Variants in DDX10 observed in about 807,000 individuals in gnomAD.
DDX10 encodes probable ATP-dependent RNA helicase DDX10.
DDX10 carries 74 observed loss-of-function variants against 104.3 expected under a neutral mutation model. That is an observed-to-expected ratio of 0.71 (90% CI 0.59 to 0.86). The LOEUF is 0.86. Ranked by LOEUF, DDX10 falls within the 40% of genes least tolerant of loss-of-function variation. The probability of loss-of-function intolerance (pLI) is 0.00; values close to 1 mark genes in which losing one functional copy is unlikely to be tolerated. For missense variants in DDX10, 952 were observed against 1,040.0 expected (o/e 0.92, Z 1.16); for synonymous variants, 351 against 353.4 (o/e 0.99, Z 0.08).
At chr11:108,893,264 G>A (rs1178965124) in intron 16 of DDX10, among the ~76,000 whole-genome samples, 2 of 152,026 alleles carry the variant, frequency 1.3e-5, no homozygotes, top group Non-Finnish European at 2.9e-5. Context: ...GCAGATTTTG[G>A]ATGGTAAGGG....
intron 13 of DDX10, among the ~76,000 whole-genome samples, chr11:108,810,068 T>G (rs536164120): frequency 6.6e-6 from 1 of 152,334 alleles, no homozygotes; most frequent in Admixed American, 6.5e-5. Context: ...GTTCTTCATG[T>G]GGAAAGTACT....
At chr11:108,819,229 C>T (rs772518448) in intron 13 of DDX10, among the ~76,000 whole-genome samples, 10 of 152,120 alleles carry the variant, frequency 6.6e-5, no homozygotes, top group Non-Finnish European at 5.9e-5. Context: ...AAGCTTGTCA[C>T]AGAACTCTTA....
chr11:108,907,608 A>G (rs1863614539), intron 16 of DDX10, among the ~76,000 whole-genome samples: 1 of 152,176 alleles, frequency 6.6e-6, no homozygotes, highest in African/African-American at 2.4e-5. Flanking sequence ...AGGTGGCCAG[A>G]GCTGAAATGT....
intron 1 of DDX10, among the ~76,000 whole-genome samples, chr11:108,668,768 G>T (rs965508752): frequency 1.3e-5 from 2 of 152,120 alleles, no homozygotes; most frequent in African/African-American, 4.8e-5. Flanking sequence ...GGCATGTAGG[G>T]GTTGATACAG....
chr11:108,797,962 C>T (rs1025396833), intron 13 of DDX10, among the ~76,000 whole-genome samples: 2 of 152,276 alleles, frequency 1.3e-5, no homozygotes, highest in Admixed American at 6.5e-5. Context: ...TTCCTCTTAC[C>T]CATGGTAGAA....
intron 13 of DDX10, among the ~76,000 whole-genome samples, chr11:108,819,642 AGGCTG>A (rs1862299533): frequency 6.6e-6 from 1 of 152,030 alleles, no homozygotes; most frequent in Non-Finnish European, 1.5e-5. Context: ...TCTGTCACCC[AGGCTG>A]GAGTGCAATG....
At chr11:108,843,859 G>A (rs1302697929) in intron 15 of DDX10, among the ~76,000 whole-genome samples, 1 of 151,968 alleles carries the variant, frequency 6.6e-6, no homozygotes, top group Admixed American at 6.6e-5. Context: ...TTTTAAACAT[G>A]TCCTTTCACT....
At chr11:108,924,060 C>A (rs1019957433) in intron 17 of DDX10, among the ~76,000 whole-genome samples, 1 of 151,646 alleles carries the variant, frequency 6.6e-6, no homozygotes, top group African/African-American at 2.4e-5. Context: ...TGGTTTTTGG[C>A]CATCTTCGTG....
chr11:108,890,446 C>G lies in DDX10; in HGVS notation c.2305-27427C>G, dbSNP rs918318055. 3.3e-5 allele frequency among the ~76,000 whole-genome samples: 5 copies of G among 152,082 alleles called. No individual in the cohort carries two copies. The East Asian group carries it at 9.6e-4, about 29-fold the overall frequency. ...GCCCTCGGCTATTCCTATTCCAGAG[C>G]CGCTACTTTGCTCTCAAGTCCTCTG... On this transcript the variant is annotated intron_variant, in intron 16 of 17. Coordinates refer to ENST00000322536, the MANE Select transcript of DDX10 (RefSeq NM_004398.4).
intron 13 of DDX10, among the ~76,000 whole-genome samples, chr11:108,792,325 A>C (rs1010626435): frequency 6.6e-6 from 1 of 152,134 alleles, no homozygotes; most frequent in African/African-American, 2.4e-5. Flanking sequence ...TGTTCTTTTA[A>C]AAACTTTACC....
chr11:108,743,839 T>G (rs1227961152), intron 13 of DDX10, among the ~76,000 whole-genome samples: 2 of 152,202 alleles, frequency 1.3e-5, no homozygotes, highest in African/African-American at 4.8e-5. Context: ...CAAGTGCTCC[T>G]AAACACACAC....
At chr11:108,847,268 T>G (rs1436840333) in intron 15 of DDX10, among the ~76,000 whole-genome samples, 1 of 152,198 alleles carries the variant, frequency 6.6e-6, no homozygotes, top group African/African-American at 2.4e-5. Context: ...AGATAGGCCA[T>G]GGATCCTATT....
At chr11:108,856,731 C>T (rs543279995) in intron 16 of DDX10, among the ~76,000 whole-genome samples, 3 of 152,104 alleles carry the variant, frequency 2.0e-5, no homozygotes, top group East Asian at 1.9e-4. Context: ...CCCATTTCAC[C>T]ACTTTAAAAT....
chr11:108,676,005 G>T (rs1319124630), intron 3 of DDX10, among the ~76,000 whole-genome samples: 2 of 152,202 alleles, frequency 1.3e-5, no homozygotes, highest in East Asian at 3.9e-4. Flanking sequence ...GAAGTGGAGT[G>T]CTCCAGTATG....
intron 10 of DDX10, 98 bp from the exon 11 acceptor site, chr11:108,715,781 A>G (rs1457927739): frequency 9.0e-6 from 6 of 663,696 alleles, no homozygotes; most frequent in Non-Finnish European, 1.6e-5. Flanking sequence ...ATAGTTATAC[A>G]TTTAAAAATA....
intron 16 of DDX10, among the ~76,000 whole-genome samples, chr11:108,857,395 C>T (rs1862884657): frequency 6.6e-6 from 1 of 152,114 alleles, no homozygotes; most frequent in Non-Finnish European, 1.5e-5. Context: ...AAAGGTTACC[C>T]CTTTCATGAA....
At position 108,838,501 on chromosome 11, in the gene DDX10, C is replaced by CA; in HGVS notation, c.2028dup (p.Val677SerfsTer7). 1.2e-6 allele frequency: 2 copies of CA among 1,611,058 alleles called. No individual in the cohort carries two copies. Among genetic ancestry groups the CA allele is most frequent in the South Asian group, 1.1e-5 (1 of 90,660 alleles). ...AAAAAAATGACCAAAGTTGCAGAAG[C>CA]AAAAAAAGTAATGAAGAGAAATTTT... On this transcript the variant is annotated frameshift_variant, in exon 14 of 18. Coordinates refer to ENST00000322536, the MANE Select transcript of DDX10 (RefSeq NM_004398.4). LOFTEE classifies it high-confidence loss of function.
At chr11:108,675,247 G>T (rs1168743826) in intron 2 of DDX10, among the ~76,000 whole-genome samples, 1 of 152,196 alleles carries the variant, frequency 6.6e-6, no homozygotes, top group African/African-American at 2.4e-5. Flanking sequence ...TTTCAAAGTA[G>T]TGGTTTTATT....
chr11:108,879,943 T>TA (rs1362613114), intron 16 of DDX10, among the ~76,000 whole-genome samples: 2 of 152,016 alleles, frequency 1.3e-5, no homozygotes, highest in African/African-American at 2.4e-5. Flanking sequence ...GACATGATGT[T>TA]AAAAAAAATT....
Sources: gnomAD v4.1 joint callset for allele counts (sites outside exome capture counted in the v4.1 genomes callset) on GRCh38, gnomAD v4.1.1 for gene constraint, MANE v1.5 for transcripts, NCBI Gene and HGNC (gene_info 2026-07-23, HGNC 2026-07-21) for gene names.